GRM3: variants seen among roughly 807,000 people sequenced by gnomAD.
The protein encoded by GRM3 is glutamate metabotropic receptor 3, also known as metabotropic glutamate receptor 3.
A neutral mutation model predicts 70.5 loss-of-function variants in GRM3; 26 were observed. The ratio of observed to expected loss-of-function variants is 0.37; its 90% CI spans 0.27 to 0.51. The LOEUF is 0.51. GRM3 is among the 20% of genes least tolerant of loss of function. The probability of loss-of-function intolerance (pLI) is 0.93; values close to 1 mark genes in which losing one functional copy is unlikely to be tolerated. For synonymous variants in GRM3, 443 were observed against 434.9 expected (o/e 1.02, Z -0.23); for missense variants, 859 against 1,123.8 (o/e 0.76, Z 3.37).
At chr7:86,758,655 G>A (rs941759839) in intron 1 of GRM3, among the ~76,000 whole-genome samples, 11 of 152,034 alleles carry the variant, frequency 7.2e-5, no homozygotes, top group Admixed American at 5.9e-4. Flanking sequence ...ACTATTGATG[G>A]GAAGTAAATT....
At chr7:86,737,563 C>G (rs1795892545) in intron 1 of GRM3, among the ~76,000 whole-genome samples, 1 of 152,144 alleles carries the variant, frequency 6.6e-6, no homozygotes, top group Non-Finnish European at 1.5e-5. Context: ...ATGAAGTACT[C>G]AATTTGTTAC....
In GRM3 at chr7:86,719,864, A is replaced by G. The variant is rs115355350; in HGVS notation, c.-140-45142A>G. Among the ~76,000 whole-genome samples, 1,343 of 152,172 alleles carry G rather than the reference A, an allele frequency of 8.8e-3. 16 individuals are homozygous for G. The highest frequency in any genetic ancestry group is 0.031 in the African/African-American group (1,278 of 41,542). ...GACTTAGCTGGTCATAAAGCCAATG[A>G]CACTAGCATGACTGAGGTCCTGATG... On this transcript the variant is annotated intron_variant, in intron 1 of 5. Coordinates refer to ENST00000361669, the MANE Select transcript of GRM3 (RefSeq NM_000840.3).
intron 2 of GRM3, among the ~76,000 whole-genome samples, chr7:86,777,667 G>T (rs1475441072): frequency 6.6e-6 from 1 of 152,154 alleles, no homozygotes; most frequent in Non-Finnish European, 1.5e-5. Context: ...TACAGGTAAT[G>T]TGGCCAAAAC....
At chr7:86,803,182 C>T in intron 3 of GRM3, among the ~76,000 whole-genome samples, 1 of 152,278 alleles carries the variant, frequency 6.6e-6, no homozygotes, top group Non-Finnish European at 1.5e-5. Context: ...TTTATATCTT[C>T]ATTTCTATTC....
intron 3 of GRM3, among the ~76,000 whole-genome samples, chr7:86,823,573 G>C (rs1798168775): frequency 7.7e-6 from 1 of 129,648 alleles, no homozygotes. Flanking sequence ...GCGGTTAGCT[G>C]TGTGAGGTAT....
chr7:86,648,782 C>T (rs1020514761), intron 1 of GRM3, among the ~76,000 whole-genome samples: 5 of 151,916 alleles, frequency 3.3e-5, no homozygotes, highest in African/African-American at 9.7e-5. Flanking sequence ...AAATCTTGTT[C>T]CAAGACATCC....
At chr7:86,846,570 G>GA (rs1798660522) in intron 4 of GRM3, among the ~76,000 whole-genome samples, 1 of 152,122 alleles carries the variant, frequency 6.6e-6, no homozygotes, top group Non-Finnish European at 1.5e-5. Flanking sequence ...AAATGGGGAG[G>GA]AAATTCACCC....
rs1798386954 is a variant in GRM3, at chr7:86,833,147, C to T, written c.1325-5692C>T. 5.2e-6 allele frequency: 5 copies of T among 967,226 alleles called. No homozygotes were observed. In the South Asian group the frequency reaches 1.4e-4, roughly 28 times the overall value. The allele number at this position is 967,226 out of a possible 1,614,324, so 59.9% of individuals were successfully genotyped here. On this transcript the variant is annotated intron_variant, in intron 3 of 5. Transcript: ENST00000361669. ...AACAGCAAATTCCCTGGAGTTTCTT[C>T]ACGCCAAAGAACTATGCATATTCTC...
intron 2 of GRM3, among the ~76,000 whole-genome samples, chr7:86,781,589 T>A (rs1797063275): frequency 1.3e-5 from 2 of 152,182 alleles, no homozygotes; most frequent in African/African-American, 2.4e-5. Context: ...TGAGCTCTAA[T>A]CTTAGGCTTT....
chr7:86,813,846 C>T (rs1225369671), intron 3 of GRM3, among the ~76,000 whole-genome samples: 3 of 151,518 alleles, frequency 2.0e-5, no homozygotes, highest in African/African-American at 4.8e-5. Context: ...CAGCTAGAAC[C>T]CTAATTGAAC....
rs749456155 is a variant in GRM3, at chr7:86,785,685, A to ATTTTTT, written c.469-548_469-543dup. 1.8e-3 allele frequency among the ~76,000 whole-genome samples: 117 copies of ATTTTTT among 65,216 alleles called. 8 individuals carry two copies. The highest frequency in any genetic ancestry group is 2.6e-3 in the East Asian group (4 of 1,534). The allele number at this position is 65,216 out of a possible 152,430, so 42.8% of individuals were successfully genotyped here. On this transcript the variant is annotated intron_variant, in intron 2 of 5. Coordinates refer to ENST00000361669, the MANE Select transcript of GRM3 (RefSeq NM_000840.3). Reference sequence around the variant, plus strand: ...TTGGGTGGTGGACTAAATAGAATTGATTTTTTTTTTTTTTTTTTTTTTTTT... The same window carrying ATTTTTT: ...TTGGGTGGTGGACTAAATAGAATTGATTTTTTTTTTTTTTTTTTTTTTTTTTTTTTT...
At chr7:86,840,608 A>G (rs1798541198) in intron 4 of GRM3, among the ~76,000 whole-genome samples, 2 of 152,210 alleles carry the variant, frequency 1.3e-5, no homozygotes, top group East Asian at 3.9e-4. Flanking sequence ...AAACTTCTTC[A>G]TTCCATTATA....
At chr7:86,693,438 C>T (rs991541861) in intron 1 of GRM3, among the ~76,000 whole-genome samples, 3 of 152,074 alleles carry the variant, frequency 2.0e-5, no homozygotes, top group East Asian at 3.9e-4. Context: ...CATGAGTAAG[C>T]CCACCTAAAG....
chr7:86,748,771 T>TG (rs1229417217), intron 1 of GRM3, among the ~76,000 whole-genome samples: 3 of 152,094 alleles, frequency 2.0e-5, no homozygotes, highest in African/African-American at 7.2e-5. Flanking sequence ...GCTACTGTCC[T>TG]GTTGTTCACT....
intron 3 of GRM3, among the ~76,000 whole-genome samples, chr7:86,803,252 A>T (rs1797721027): frequency 6.6e-6 from 1 of 152,232 alleles, no homozygotes; most frequent in Admixed American, 6.5e-5. Flanking sequence ...ATATATCTAA[A>T]TGTAAAGCCA....
chr7:86,780,391 C>T (rs932249904), intron 2 of GRM3, among the ~76,000 whole-genome samples: 1 of 152,146 alleles, frequency 6.6e-6, no homozygotes, highest in Non-Finnish European at 1.5e-5. Context: ...CAAACATAAT[C>T]ATATCTGGCC....
chr7:86,839,455 G>A lies in GRM3; in HGVS notation c.1941G>A (p.Gly647=), dbSNP rs1798519862. 2 of 1,613,088 alleles carry A rather than the reference G, an allele frequency of 1.2e-6. No homozygotes were observed. The highest frequency in any genetic ancestry group is 1.3e-5 in the African/African-American group (1 of 74,922). ...TCATCTGTGCATTGCGCCGACTCGGGCTGGGGAGTTCCTTCGCTATCTGTT... is the reference window on the plus strand; with the variant it reads ...TCATCTGTGCATTGCGCCGACTCGGACTGGGGAGTTCCTTCGCTATCTGTT... The part of the protein sequence containing the change: ...SPVICALRRL[G]LGSSFAICYS... The change falls in exon 4 of 6, where the codon GGG becomes GGA. Residue 647 remains glycine (G), a synonymous_variant. Coordinates refer to ENST00000361669, the MANE Select transcript of GRM3 (RefSeq NM_000840.3). The surrounding 1 kb of genome is among the most constrained non-coding windows in gnomAD (Gnocchi z 4.5).
chr7:86,767,472 A>G (rs1796628548), intron 2 of GRM3, among the ~76,000 whole-genome samples: 1 of 146,282 alleles, frequency 6.8e-6, no homozygotes, highest in Non-Finnish European at 1.5e-5. Context: ...AAGAGAGATG[A>G]AAAATGCTAT....
At chr7:86,756,773 C>T (rs1307144475) in intron 1 of GRM3, among the ~76,000 whole-genome samples, 1 of 151,924 alleles carries the variant, frequency 6.6e-6, no homozygotes, top group East Asian at 1.9e-4. Context: ...ATTTTTTGGC[C>T]ATTACTTCAA....
Sources: allele counts gnomAD v4.1 joint callset (sites outside exome capture counted in the v4.1 genomes callset), GRCh38; gene constraint gnomAD v4.1.1; non-coding constraint Gnocchi (gnomAD v3.1); transcripts MANE v1.5; gene names NCBI Gene and HGNC (gene_info 2026-07-23, HGNC 2026-07-21).